TMEM178B: variants seen among roughly 807,000 people sequenced by gnomAD.
TMEM178B encodes transmembrane protein 178B.
Under a neutral mutation model 31.0 loss-of-function variants are expected in TMEM178B, and 5 were observed. The ratio of observed to expected loss-of-function variants is 0.16; its 90% CI spans 0.08 to 0.34. The LOEUF (loss-of-function observed/expected upper bound fraction) is 0.34. TMEM178B is among the 10% of genes least tolerant of loss of function. The pLI is 1.00. For synonymous variants in TMEM178B, 164 were observed against 164.0 expected, an observed-to-expected ratio of 1.00 and a Z score of 0.00; for missense variants, 275 against 400.3, an observed-to-expected ratio of 0.69 and a Z score of 2.67.
chr7:141,509,988 T>C, the TMEM178B span, among the ~76,000 whole-genome samples: 1 of 152,222 alleles, frequency 6.6e-6, no homozygotes, highest in African/African-American at 2.4e-5. Context: ...ACAGCCTTCC[T>C]TCAGAGTGGC....
chr7:141,495,312 G>C, the TMEM178B span, among the ~76,000 whole-genome samples: 1 of 152,202 alleles, frequency 6.6e-6, no homozygotes. Flanking sequence ...TGTCCCCTCT[G>C]AGGAAAGCAC....
chr7:141,286,583 C>G, intron 2 of TMEM178B, among the ~76,000 whole-genome samples: 1 of 152,196 alleles, frequency 6.6e-6, no homozygotes, highest in Non-Finnish European at 1.5e-5. Flanking sequence ...AAGCTTGGGT[C>G]ATTTGCTGTC....
chr7:141,262,537 C>T (rs190232802), intron 2 of TMEM178B, among the ~76,000 whole-genome samples: 37 of 147,220 alleles, frequency 2.5e-4, no homozygotes, highest in Non-Finnish European at 3.6e-4. Flanking sequence ...CTCTTGACTA[C>T]ACACAATGGC....
chr7:141,485,191 C>G (rs1802536108), downstream of TMEM178B, among the ~76,000 whole-genome samples: 1 of 152,148 alleles, frequency 6.6e-6, no homozygotes, highest in African/African-American at 2.4e-5. Flanking sequence ...AAAGCCCGGA[C>G]CATGTGACCA....
rs1459657478 is a variant in TMEM178B at position 141,476,670 on chromosome 7, C to T, written c.*5884C>T. 1.3e-5 allele frequency: 2 copies of T among 152,182 alleles called. No individual in the cohort carries two copies. The highest frequency in any genetic ancestry group is 1.9e-4 in the East Asian group (1 of 5,182). The allele number at this position is 152,182 out of a possible 1,614,324, so 9.4% of individuals were successfully genotyped here. ...CCTTTAGATGGTACATTCACTAAGACGTGTCTGGGTGTGATCCTGTTTGGG... is the reference window on the plus strand; with the variant it reads ...CCTTTAGATGGTACATTCACTAAGATGTGTCTGGGTGTGATCCTGTTTGGG... On this transcript the variant is annotated 3_prime_UTR_variant, in exon 4 of 4. Transcript: ENST00000565468.
At chr7:141,220,217 GCAGGA>G (rs1331653780) in intron 2 of TMEM178B, among the ~76,000 whole-genome samples, 1 of 151,742 alleles carries the variant, frequency 6.6e-6, no homozygotes. Context: ...TGAGGCAGAG[GCAGGA>G]GAATTGCTTG....
At chr7:141,131,215 G>A (rs1368447326) in intron 1 of TMEM178B, among the ~76,000 whole-genome samples, 2 of 152,180 alleles carry the variant, frequency 1.3e-5, no homozygotes, top group Non-Finnish European at 2.9e-5. Context: ...GCTAACAGTA[G>A]CTACCAAAAC....
intron 1 of TMEM178B, among the ~76,000 whole-genome samples, chr7:141,097,789 CTTTCTTT>C (rs1380362177): frequency 4.2e-4 from 57 of 136,514 alleles, no homozygotes; most frequent in Non-Finnish European, 7.0e-4. Flanking sequence ...CTTTTTCTTT[CTTTCTTT>C]TTTTTTTTTT....
intron 2 of TMEM178B, among the ~76,000 whole-genome samples, chr7:141,373,338 AAACAAC>A: frequency 6.6e-6 from 1 of 152,102 alleles, no homozygotes; most frequent in East Asian, 1.9e-4. Context: ...CAACAACAGC[AAACAAC>A]AACAACAACA....
intron 2 of TMEM178B, among the ~76,000 whole-genome samples, chr7:141,384,044 C>T (rs552802476): frequency 6.8e-4 from 104 of 152,254 alleles, no homozygotes; most frequent in African/African-American, 1.9e-3. Context: ...TCATGTCCTT[C>T]GCCCACTTTT....
chr7:141,146,799 C>T (rs1192090850), intron 1 of TMEM178B, among the ~76,000 whole-genome samples: 1 of 152,146 alleles, frequency 6.6e-6, no homozygotes, highest in Non-Finnish European at 1.5e-5. Context: ...ATCCTTCTAC[C>T]ATCCTTTCCC....
At chr7:141,508,363 T>C in the TMEM178B span, among the ~76,000 whole-genome samples, 1 of 152,328 alleles carries the variant, frequency 6.6e-6, no homozygotes, top group Non-Finnish European at 1.5e-5. Context: ...ATCAGCATTT[T>C]AGGCAAAGCC....
intron 1 of TMEM178B, among the ~76,000 whole-genome samples, chr7:141,130,370 A>G (rs139914845): frequency 6.6e-6 from 1 of 152,348 alleles, no homozygotes; most frequent in East Asian, 1.9e-4. Flanking sequence ...TTAGATAGGA[A>G]TTTGGGCAAG....
chr7:141,501,709 C>T, the TMEM178B span, among the ~76,000 whole-genome samples: 1 of 152,148 alleles, frequency 6.6e-6, no homozygotes, highest in East Asian at 1.9e-4. Flanking sequence ...GGGAATTCTG[C>T]CTTAGATTGC....
intron 2 of TMEM178B, among the ~76,000 whole-genome samples, chr7:141,393,977 CT>C (rs935024755): frequency 6.6e-6 from 1 of 150,424 alleles, no homozygotes; most frequent in Admixed American, 6.6e-5. Context: ...TATTTATGTT[CT>C]TTTTACCTTC....
At chr7:141,449,346 A>G (rs1358212439) in intron 3 of TMEM178B, among the ~76,000 whole-genome samples, 1 of 151,954 alleles carries the variant, frequency 6.6e-6, no homozygotes, top group Non-Finnish European at 1.5e-5. Flanking sequence ...CTGTTCTCTG[A>G]GGATGGGGGC....
At chr7:141,426,069 A>T (rs1340827948) in intron 2 of TMEM178B, among the ~76,000 whole-genome samples, 1 of 152,230 alleles carries the variant, frequency 6.6e-6, no homozygotes, top group African/African-American at 2.4e-5. Context: ...AATAAAAACT[A>T]TGTTGAATTA....
intron 2 of TMEM178B, among the ~76,000 whole-genome samples, chr7:141,242,005 T>G (rs1049229740): frequency 6.6e-6 from 1 of 152,202 alleles, no homozygotes; most frequent in East Asian, 1.9e-4. Flanking sequence ...TATAGTTTTA[T>G]AGAGTCCATA....
chr7:141,244,852 A>G (rs1445205098), intron 2 of TMEM178B, among the ~76,000 whole-genome samples: 2 of 152,098 alleles, frequency 1.3e-5, no homozygotes, highest in Admixed American at 6.5e-5. Flanking sequence ...AGAAGGATGC[A>G]CAGGGCCAGG....
Sources: gnomAD v4.1 joint callset for allele counts (sites outside exome capture counted in the v4.1 genomes callset) on GRCh38, gnomAD v4.1.1 for gene constraint, MANE v1.5 for transcripts, NCBI Gene and HGNC (gene_info 2026-07-23, HGNC 2026-07-21) for gene names.